RIT2: variants seen among roughly 807,000 people sequenced by gnomAD.
RIT2 encodes GTP-binding protein Rit2.
In RIT2, 24 loss-of-function variants were observed where a neutral mutation model predicts 23.7. The ratio of observed to expected loss-of-function variants is 1.01; its 90% confidence interval spans 0.73 to 1.43. The LOEUF (loss-of-function observed/expected upper bound fraction) is 1.43, where lower values mean the gene tolerates loss of function less well. RIT2 is among the 40% of genes most tolerant of loss of function. The pLI is 0.00. For synonymous variants in RIT2, 107 were observed against 91.1 expected, an observed-to-expected ratio of 1.17 and a Z score of -0.99; for missense variants, 236 against 266.9, an observed-to-expected ratio of 0.88 and a Z score of 0.81.
chr18:42,989,975 C>A (rs191552656), intron 2 of RIT2, among the ~76,000 whole-genome samples: 1 of 150,744 alleles, frequency 6.6e-6, no homozygotes, highest in Admixed American at 6.7e-5. Context: ...ATGTATTTTC[C>A]AGCATATATA....
At position 42,968,449 on chromosome 18, in the gene RIT2, C is replaced by T. The variant is rs139799639; in HGVS notation, c.234+5625G>A. The stretch of plus-strand genomic sequence containing the variant: ...AAATTGTTTTCAAGCATCTCAGAGC[C>T]AAAACAATGGATCATAATGAACTTG... On this transcript the variant is annotated intron_variant, in intron 3 of 4. Transcript: ENST00000326695. Among the ~76,000 whole-genome samples, 10 of 152,192 alleles carry T rather than the reference C, an allele frequency of 6.6e-5. No individual in the cohort carries two copies. The East Asian group carries it at 1.9e-3, about 29-fold the overall frequency.
intron 2 of RIT2, among the ~76,000 whole-genome samples, chr18:43,009,917 C>T (rs1293288385): frequency 6.6e-6 from 1 of 151,600 alleles, no homozygotes; most frequent in Non-Finnish European, 1.5e-5. Flanking sequence ...CCAGTTTTAT[C>T]CACTCTGTCA....
chr18:43,058,328 T>C (rs189620799), intron 1 of RIT2, among the ~76,000 whole-genome samples: 2 of 152,214 alleles, frequency 1.3e-5, no homozygotes, highest in African/African-American at 4.8e-5. Flanking sequence ...TTCTTAGACA[T>C]AAAGATTCTA....
intron 1 of RIT2, among the ~76,000 whole-genome samples, chr18:43,057,031 G>A (rs1206328915): frequency 1.6e-5 from 2 of 122,102 alleles, no homozygotes; most frequent in African/African-American, 6.2e-5. Flanking sequence ...GGGTGCATAA[G>A]CAAGTCTAAC....
chr18:42,787,942 T>A (rs1353309269), intron 4 of RIT2, among the ~76,000 whole-genome samples: 1 of 151,750 alleles, frequency 6.6e-6, no homozygotes, highest in Non-Finnish European at 1.5e-5. Flanking sequence ...AATAAATTTA[T>A]TTTAATTTAG....
At chr18:42,937,643 C>A (rs1909493334) in intron 3 of RIT2, among the ~76,000 whole-genome samples, 1 of 152,142 alleles carries the variant, frequency 6.6e-6, no homozygotes, top group Non-Finnish European at 1.5e-5. Context: ...AACCACAAAG[C>A]TTCCTGATCT....
intron 1 of RIT2, among the ~76,000 whole-genome samples, chr18:43,107,418 T>C (rs4072533): frequency 0.32 from 48,012 of 151,946 alleles, 8,070 homozygotes; most frequent in East Asian, 0.52. Context: ...GGTCTAGGCG[T>C]GCACGCGTGC....
rs145725282 is a variant in RIT2, at chr18:42,878,362, G to A, written c.426+45210C>T. On this transcript the variant is annotated intron_variant, in intron 4 of 4. Transcript: ENST00000326695. ...AATGTTATTTAAATAATCAAAAAAG[G>A]AGAAAATATATTTACTATTTATTAA... is the stretch of plus-strand genomic sequence containing the variant. Among the ~76,000 whole-genome samples, 1,053 of 151,704 alleles carry A rather than the reference G, an allele frequency of 6.9e-3. 13 individuals are homozygous for A. Among genetic ancestry groups the A allele is most frequent in the African/African-American group, 0.024 (1,005 of 41,392 alleles).
At chr18:43,075,523 AC>A (rs1272277109) in intron 1 of RIT2, among the ~76,000 whole-genome samples, 3 of 152,206 alleles carry the variant, frequency 2.0e-5, no homozygotes, top group Non-Finnish European at 4.4e-5. Context: ...ATGCATACAT[AC>A]ATATATTTTG....
chr18:42,885,401 C>T (rs907222521), intron 4 of RIT2, among the ~76,000 whole-genome samples: 9 of 152,134 alleles, frequency 5.9e-5, no homozygotes, highest in African/African-American at 1.7e-4. Context: ...CTGGCTAACG[C>T]GGTGAAACCC....
At chr18:42,996,959 AC>A (rs1910999202) in intron 2 of RIT2, among the ~76,000 whole-genome samples, 1 of 152,056 alleles carries the variant, frequency 6.6e-6, no homozygotes, top group South Asian at 2.1e-4. Context: ...GCACCATGTG[AC>A]ATTTCATTTT....
At chr18:42,882,403 G>A (rs943133550) in intron 4 of RIT2, among the ~76,000 whole-genome samples, 25 of 152,106 alleles carry the variant, frequency 1.6e-4, no homozygotes, top group East Asian at 1.9e-4. Context: ...AGCAGTCTTC[G>A]CTAATTTCAG....
At chr18:43,076,025 A>G (rs1913005201) in intron 1 of RIT2, among the ~76,000 whole-genome samples, 1 of 152,204 alleles carries the variant, frequency 6.6e-6, no homozygotes, top group African/African-American at 2.4e-5. Context: ...GAGATGAAGG[A>G]CAATTAAGCA....
At position 42,995,600 on chromosome 18, in the gene RIT2, A is replaced by G. The variant is rs563889728; in HGVS notation, c.161-21453T>C. ...AACCTTTATATCCCTTACAGTCCTCAGTCTTCAGGAAAGGTACAACGGACT... is the reference window on the plus strand; with the variant it reads ...AACCTTTATATCCCTTACAGTCCTCGGTCTTCAGGAAAGGTACAACGGACT... On this transcript the variant is annotated intron_variant, in intron 2 of 4. Coordinates refer to ENST00000326695, the MANE Select transcript of RIT2 (RefSeq NM_002930.4). Among the ~76,000 whole-genome samples the G allele has an allele frequency of 2.6e-5, 4 of 152,260 alleles. No homozygotes were observed. In the South Asian group the frequency reaches 8.3e-4, roughly 32 times the overall value.
chr18:42,776,976 T>G (rs565338019), intron 4 of RIT2, among the ~76,000 whole-genome samples: 24 of 151,964 alleles, frequency 1.6e-4, no homozygotes, highest in Non-Finnish European at 1.8e-4. Flanking sequence ...TTTAAAAGCA[T>G]GAGATTGGAT....
chr18:42,767,198 G>C (rs188021118), intron 4 of RIT2, among the ~76,000 whole-genome samples: 1 of 152,250 alleles, frequency 6.6e-6, no homozygotes, highest in Admixed American at 6.5e-5. Flanking sequence ...CGTGTGCCTG[G>C]GAAAGTCACA....
At chr18:43,006,150 C>T (rs1911223117) in intron 2 of RIT2, among the ~76,000 whole-genome samples, 2 of 151,542 alleles carry the variant, frequency 1.3e-5, no homozygotes, top group South Asian at 4.1e-4. Context: ...CAAAAATAAG[C>T]CTTGAACAGA....
intron 4 of RIT2, among the ~76,000 whole-genome samples, chr18:42,806,266 C>T (rs912753025): frequency 4.6e-5 from 7 of 151,572 alleles, no homozygotes; most frequent in East Asian, 1.9e-4. Context: ...GTCAAGAGTT[C>T]GAGACCAGCC....
chr18:43,010,121 T>C (rs2144252985), intron 2 of RIT2, among the ~76,000 whole-genome samples: 1 of 151,940 alleles, frequency 6.6e-6, no homozygotes, highest in South Asian at 2.1e-4. Flanking sequence ...CTTTACTACA[T>C]AGACTAAACC....
Sources: allele counts gnomAD v4.1 joint callset (sites outside exome capture counted in the v4.1 genomes callset), GRCh38; gene constraint gnomAD v4.1.1; transcripts MANE v1.5; gene names NCBI Gene and HGNC (gene_info 2026-07-23, HGNC 2026-07-21).